Variants in PDZRN3 observed in about 807,000 individuals in gnomAD.
PDZRN3 encodes PDZ domain containing ring finger 3.
PDZRN3 carries 38 observed loss-of-function variants against 85.7 expected under a neutral mutation model. The observed-to-expected ratio is 0.44, with a 90% CI of 0.34 to 0.58. The LOEUF is 0.58. Ranked by LOEUF, PDZRN3 falls within the 20% of genes least tolerant of loss-of-function variation. The pLI is 0.01. For synonymous variants in PDZRN3, 759 were observed against 638.0 expected (o/e 1.19, Z -2.86); for missense variants, 1,629 against 1,506.4 (o/e 1.08, Z -1.35).
At chr3:73,563,619 C>A (rs1181366848) in intron 3 of PDZRN3, among the ~76,000 whole-genome samples, 1 of 152,096 alleles carries the variant, frequency 6.6e-6, no homozygotes, top group African/African-American at 2.4e-5. Context: ...CTATGGCAAA[C>A]AGATTTTTTA....
At chr3:73,393,283 C>T (rs531799134) in intron 5 of PDZRN3, among the ~76,000 whole-genome samples, 12 of 152,158 alleles carry the variant, frequency 7.9e-5, no homozygotes, top group African/African-American at 2.4e-4. Flanking sequence ...AATGGCTGGC[C>T]GCCAAGGTGA....
At position 73,384,596 on chromosome 3, in the gene PDZRN3, T is replaced by C; in HGVS notation, c.1970A>G (p.Lys657Arg). The C allele has an allele frequency of 1.9e-6, 3 of 1,613,800 alleles. No individual in the cohort carries two copies. Among genetic ancestry groups the C allele is most frequent in the Non-Finnish European group, 2.5e-6 (3 of 1,180,028 alleles). ...GTACAGGCCGTAAGGGGTGGCGCTC[T>C]TCACCTGGCACTTGAGCTCCAGGAG... ...RELLELKCQV[K>R]SATPYGLYYP... Residue 657 changes from lysine (K) to arginine (R), a missense_variant, in exon 10 of 10, where the codon AAG becomes AGG. Physicochemically the swap from Lys to Arg is conservative, Grantham distance 26. Coordinates refer to ENST00000263666, the MANE Select transcript of PDZRN3 (RefSeq NM_015009.3).
intron 3 of PDZRN3, among the ~76,000 whole-genome samples, chr3:73,515,086 CA>C (rs1230412986): frequency 1.0e-4 from 15 of 150,460 alleles, no homozygotes; most frequent in Middle Eastern, 3.4e-3. Flanking sequence ...GGTATAGAAA[CA>C]AAGGACTCCA....
At chr3:73,617,986 G>T (rs975772917) in intron 1 of PDZRN3, among the ~76,000 whole-genome samples, 2 of 152,194 alleles carry the variant, frequency 1.3e-5, no homozygotes, top group Admixed American at 1.3e-4. Context: ...GATTACAGGC[G>T]TGAGCCACCA....
chr3:73,541,474 T>C (rs1250905603), intron 3 of PDZRN3, among the ~76,000 whole-genome samples: 1 of 152,178 alleles, frequency 6.6e-6, no homozygotes, highest in African/African-American at 2.4e-5. Context: ...AGAAAACTGA[T>C]GTAGAGAGAG....
intron 3 of PDZRN3, among the ~76,000 whole-genome samples, chr3:73,514,624 C>A (rs1004833326): frequency 6.6e-6 from 1 of 152,226 alleles, no homozygotes; most frequent in African/African-American, 2.4e-5. Flanking sequence ...CACTTCTCAT[C>A]AGGCACCTAG....
rs1019197534 is a variant in PDZRN3, at chr3:73,384,110, G to C, written c.2456C>G (p.Thr819Ser). The C allele has an allele frequency of 1.2e-6, 2 of 1,614,034 alleles. No homozygotes were observed. Among genetic ancestry groups the C allele is most frequent in the Non-Finnish European group, 1.7e-6 (2 of 1,180,016 alleles). The change falls in exon 10 of 10, where the codon ACC (threonine) becomes AGC (serine). Residue 819 changes from threonine to serine, a missense_variant. By Grantham distance (58) the Thr-to-Ser change is moderately conservative. Transcript: ENST00000263666. ...LSITEDPEVGTPTYSPSLKEL... is the reference protein window; with the variant it reads ...LSITEDPEVGSPTYSPSLKEL... ...CTTCAGGGACGGGCTATAGGTAGGG[G>C]TGCCCACTTCGGGATCTTCCGTGAT...
In PDZRN3 at chr3:73,605,664, T is replaced by A. The variant is rs138681215; in HGVS notation, c.810+2934A>T. 2.6e-3 allele frequency among the ~76,000 whole-genome samples: 391 copies of A among 152,336 alleles called. 1 individual carries two copies. Among genetic ancestry groups the A allele is most frequent in the African/African-American group, 8.6e-3 (356 of 41,576 alleles). On this transcript the variant is annotated intron_variant, in intron 2 of 9. Coordinates refer to ENST00000263666, the MANE Select transcript of PDZRN3 (RefSeq NM_015009.3). ...TCTAGTAACTAACAACGTGTGTGCA[T>A]TGTTGCTCATCTTGGCTTTTTAGCA...
At chr3:73,436,014 A>G (rs1483091071) in intron 3 of PDZRN3, among the ~76,000 whole-genome samples, 4 of 152,072 alleles carry the variant, frequency 2.6e-5, no homozygotes, top group Admixed American at 2.6e-4. Flanking sequence ...GGGCCTCTGC[A>G]GGTCTCTCTG....
chr3:73,413,657 C>G (rs1447996714), intron 3 of PDZRN3, among the ~76,000 whole-genome samples: 1 of 152,014 alleles, frequency 6.6e-6, no homozygotes, highest in Non-Finnish European at 1.5e-5. Flanking sequence ...TGTTACCTGA[C>G]CTGGGCTGTA....
At chr3:73,493,076 G>A (rs1703803263) in intron 3 of PDZRN3, among the ~76,000 whole-genome samples, 1 of 149,964 alleles carries the variant, frequency 6.7e-6, no homozygotes, top group Non-Finnish European at 1.5e-5. Flanking sequence ...GGAGGTGGGA[G>A]AGGGTATGTC....
intron 3 of PDZRN3, among the ~76,000 whole-genome samples, chr3:73,415,919 C>T (rs1702071760): frequency 7.0e-6 from 1 of 143,214 alleles, no homozygotes; most frequent in Non-Finnish European, 1.5e-5. Flanking sequence ...TTAACTATGG[C>T]TAATAATAGT....
intron 3 of PDZRN3, among the ~76,000 whole-genome samples, chr3:73,413,041 G>A (rs1047517804): frequency 1.3e-5 from 2 of 152,190 alleles, no homozygotes; most frequent in Non-Finnish European, 2.9e-5. Context: ...TTAAGTACAT[G>A]CTTCATAGGT....
intron 3 of PDZRN3, among the ~76,000 whole-genome samples, chr3:73,506,501 T>C (rs184132717): frequency 1.3e-5 from 2 of 151,310 alleles, no homozygotes; most frequent in Non-Finnish European, 2.9e-5. Context: ...AAAAAGAAAA[T>C]AAAATTCAAT....
chr3:73,501,314 G>A (rs976517153), intron 3 of PDZRN3, among the ~76,000 whole-genome samples: 5 of 152,156 alleles, frequency 3.3e-5, no homozygotes, highest in South Asian at 2.1e-4. Context: ...ACTGGGACAC[G>A]GGCTTTGGAG....
intron 3 of PDZRN3, among the ~76,000 whole-genome samples, chr3:73,465,227 G>C (rs577793940): frequency 6.6e-6 from 1 of 152,308 alleles, no homozygotes; most frequent in African/African-American, 2.4e-5. Context: ...CTGGTACACA[G>C]CAGGTACTAA....
chr3:73,622,560 G>A (rs1702884622), intron 1 of PDZRN3, among the ~76,000 whole-genome samples: 1 of 152,166 alleles, frequency 6.6e-6, no homozygotes, highest in Non-Finnish European at 1.5e-5. Context: ...CCCTCCAGAG[G>A]ACACTTGACA....
intron 3 of PDZRN3, among the ~76,000 whole-genome samples, chr3:73,416,876 GTTTTTTTTTTTTTTTTTT>G (rs146381615): frequency 1.0e-4 from 11 of 110,402 alleles, no homozygotes; most frequent in Admixed American, 5.3e-4. Flanking sequence ...TTTTTTTTTG[GTTTTTTTTTTTTTTTTTT>G]TTTTTTTTTT....
intron 3 of PDZRN3, among the ~76,000 whole-genome samples, chr3:73,563,005 ATATATATATTTT>A (rs1461527963): frequency 7.8e-4 from 30 of 38,392 alleles, no homozygotes; most frequent in Non-Finnish European, 1.1e-3. Context: ...ATATATATAT[ATATATATATTTT>A]TTTTTTTTTT....
Sources: allele counts gnomAD v4.1 joint callset (sites outside exome capture counted in the v4.1 genomes callset), GRCh38; gene constraint gnomAD v4.1.1; transcripts MANE v1.5; gene names NCBI Gene and HGNC (gene_info 2026-07-23, HGNC 2026-07-21).